The following CRYBG3 variants were observed in gnomAD, a reference collection of about 807,000 sequenced individuals.
CRYBG3 encodes the protein very large A-kinase anchor protein.
A neutral mutation model predicts 244.2 loss-of-function variants in CRYBG3; 127 were observed. The ratio of observed to expected loss-of-function variants is 0.52; its 90% confidence interval spans 0.45 to 0.60. The LOEUF (loss-of-function observed/expected upper bound fraction) is 0.60, where lower values mean the gene tolerates loss of function less well. Ranked by LOEUF, CRYBG3 falls within the 20% of genes least tolerant of loss-of-function variation. The pLI, the probability that CRYBG3 is intolerant of heterozygous loss-of-function variation, is 0.00. For synonymous variants in CRYBG3, 1,132 were observed against 1,195.8 expected, an observed-to-expected ratio of 0.95 and a Z score of 1.10; for missense variants, 3,325 against 3,442.5, an observed-to-expected ratio of 0.97 and a Z score of 0.85.
At chr3:97,915,524 C>T (rs2039919188) in intron 16 of CRYBG3, 86 bp from the exon 17 acceptor site, 3 of 1,431,942 alleles carry the variant, frequency 2.1e-6, no homozygotes, top group South Asian at 1.4e-5. Flanking sequence ...ATGCCCTACC[C>T]CTACCCCAAT....
chr3:97,862,173 A>G (rs1014766276), intron 2 of CRYBG3, among the ~76,000 whole-genome samples: 4 of 152,212 alleles, frequency 2.6e-5, no homozygotes, highest in East Asian at 3.9e-4. Context: ...TATCTTCCTC[A>G]TTTGGAAAGC....
At chr3:97,855,637 C>T (rs1015948837) in intron 2 of CRYBG3, among the ~76,000 whole-genome samples, 7 of 152,190 alleles carry the variant, frequency 4.6e-5, no homozygotes, top group South Asian at 4.2e-4. Context: ...TTTCCTTAAG[C>T]GTCAGCTGGC....
Position 97,875,297 on chromosome 3 carries a change from G to A in CRYBG3, c.4103G>A (p.Ser1368Asn), listed in dbSNP as rs2039357618. ...GTTTCAGAACAGCCAGTAAATCAAAGCACACAAATTAGTGAAAATAAAGTA... is the reference window on the plus strand; with the variant it reads ...GTTTCAGAACAGCCAGTAAATCAAAACACACAAATTAGTGAAAATAAAGTA... ...FLVSEQPVNQ[S>N]TQISENKVLN... Residue 1368 changes from serine to asparagine, a missense_variant, in exon 4 of 22, where the codon AGC becomes AAC. This residue lies in a region of CRYBG3 where 635 missense variants were observed against 771.7 expected (regional missense o/e 0.82). Transcript: ENST00000389622. 2 of 1,453,416 alleles carry A rather than the reference G, an allele frequency of 1.4e-6. No individual in the cohort carries two copies. Among genetic ancestry groups the A allele is most frequent in the African/African-American group, 1.4e-5 (1 of 69,938 alleles). 90.0% of individuals were successfully genotyped at this position (1,453,416 alleles called of 1,614,324 possible). A position where few individuals can be genotyped will look rare whatever the true frequency, so the allele number is the denominator to read the frequency against.
intron 17 of CRYBG3, among the ~76,000 whole-genome samples, chr3:97,925,551 AAC>A (rs1414179807): frequency 6.6e-6 from 1 of 152,090 alleles, no homozygotes; most frequent in African/African-American, 2.4e-5. Flanking sequence ...TCAAATTTCA[AAC>A]ACAGTAGGCA....
Position 97,873,928 on chromosome 3 carries a change from T to A in CRYBG3, c.2734T>A (p.Ser912Thr), listed in dbSNP as rs2039337077. 6.5e-7 allele frequency: 1 copy of A among 1,535,776 alleles called. No individual in the cohort carries two copies. The highest frequency in any genetic ancestry group is 1.4e-5 in the African/African-American group (1 of 73,008). The change falls in exon 4 of 22, where the codon TCT (serine) becomes ACT (threonine). Residue 912 changes from serine (S) to threonine (T), a missense_variant. Around this residue, in one of 4 missense-constraint regions of CRYBG3, gnomAD observed 1,526 missense variants for 1,443.2 expected, o/e 1.06. Coordinates refer to ENST00000389622, the MANE Select transcript of CRYBG3 (RefSeq NM_153605.4). Reference sequence around the variant, plus strand: ...TAAAGAGAATTGCCAAGCTGAGCTTTCTCCTGCTGCCTCCAAATATGAAGA... The same window carrying A: ...TAAAGAGAATTGCCAAGCTGAGCTTACTCCTGCTGCCTCCAAATATGAAGA... The part of the protein sequence containing the change: ...GLKENCQAEL[S>T]PAASKYEDKP...
At chr3:97,885,233 G>A (rs2039493938) in intron 7 of CRYBG3, among the ~76,000 whole-genome samples, 1 of 152,140 alleles carries the variant, frequency 6.6e-6, no homozygotes. Flanking sequence ...TTCTGAAAAT[G>A]AGATGTATAA....
chr3:97,942,201 G>C, intron 20 of CRYBG3, 83 bp from the exon 21 acceptor site: 2 of 1,244,526 alleles, frequency 1.6e-6, no homozygotes, highest in Non-Finnish European at 2.2e-6. Context: ...TCTATGACTT[G>C]TTTACCTAAG....
In CRYBG3 at chr3:97,871,853, G is replaced by A; in HGVS notation, c.659G>A (p.Gly220Asp). The A allele has an allele frequency of 1.1e-5, 17 of 1,496,714 alleles. No homozygotes were observed. The highest frequency in any genetic ancestry group is 1.4e-5 in the Non-Finnish European group (16 of 1,133,128). The allele number at this position is 1,496,714 out of a possible 1,614,324, so 92.7% of individuals were successfully genotyped here. The change falls in exon 4 of 22, where the codon GGT becomes GAT. Residue 220 changes from glycine to aspartate, a missense_variant. Gly to Asp is a moderately conservative substitution (Grantham distance 94). Transcript: ENST00000389622. The stretch of plus-strand genomic sequence containing the variant: ...CTTTCTTTTTACAGACAAATCGATG[G>A]TAAACCAGAGAAGCCTTCAGTAACA... ...ETTNLLKQID[G>D]KPEKPSVTYA...
intron 20 of CRYBG3, chr3:97,941,888 A>C (rs2040238304): frequency 6.4e-6 from 1 of 155,764 alleles, no homozygotes; most frequent in Non-Finnish European, 1.4e-5. Context: ...AAAATGAAAA[A>C]CTTTTAAAAG....
At chr3:97,860,849 CTT>C (rs1331852632) in intron 2 of CRYBG3, among the ~76,000 whole-genome samples, 2 of 152,118 alleles carry the variant, frequency 1.3e-5, no homozygotes, top group East Asian at 3.9e-4. Context: ...GTTGTTTCCT[CTT>C]TTTTTCCTGC....
At chr3:97,942,111 C>T (rs879007909) in intron 20 of CRYBG3, 173 bp from the exon 21 acceptor site, 43 of 441,504 alleles carry the variant, frequency 9.7e-5, no homozygotes, top group African/African-American at 6.9e-4. Flanking sequence ...TACCCACAGC[C>T]GTAAAGAAGA....
At position 97,874,830 on chromosome 3, in the gene CRYBG3, G is replaced by A. The variant is rs112810829; in HGVS notation, c.3636G>A (p.Arg1212=). Residue 1212 remains arginine, a synonymous_variant, in exon 4 of 22, where the codon AGG becomes AGA. Transcript: ENST00000389622. ...TTGGTGAGATTTTTAATTCTGTCAG[G>A]GAAGAACTAAAATTCAAACACACAG... ...TLIGEIFNSV[R]EELKFKHTVS... 6.6e-3 allele frequency: 10,101 copies of A among 1,535,884 alleles called. 521 individuals are homozygous for A. The African/African-American group carries it at 0.12, about 18-fold the overall frequency.
chr3:97,891,502 AT>A (rs921265839), intron 10 of CRYBG3, among the ~76,000 whole-genome samples: 3 of 152,226 alleles, frequency 2.0e-5, no homozygotes, highest in African/African-American at 4.8e-5. Flanking sequence ...GAATTAAAAT[AT>A]AAAAATAACT....
intron 17 of CRYBG3, among the ~76,000 whole-genome samples, chr3:97,929,674 C>T (rs1041901547): frequency 1.3e-5 from 2 of 151,952 alleles, no homozygotes; most frequent in African/African-American, 2.4e-5. Context: ...TATTTTTCCA[C>T]GCTGGTTTAT....
At chr3:97,914,554 C>G (rs2039907077) in intron 16 of CRYBG3, among the ~76,000 whole-genome samples, 2 of 152,192 alleles carry the variant, frequency 1.3e-5, no homozygotes, top group South Asian at 4.1e-4. Context: ...GATTTGAGCC[C>G]AGTTCCACCA....
At chr3:97,910,585 C>T (rs1032437798) in intron 15 of CRYBG3, among the ~76,000 whole-genome samples, 1 of 152,228 alleles carries the variant, frequency 6.6e-6, no homozygotes. Context: ...CCAAGTGAGG[C>T]AATGCCTCTC....
At chr3:97,870,891 G>A (rs973058284) in intron 3 of CRYBG3, among the ~76,000 whole-genome samples, 2 of 146,096 alleles carry the variant, frequency 1.4e-5, no homozygotes, top group Non-Finnish European at 3.1e-5. Flanking sequence ...AGATCTTTAT[G>A]ATTTAATGTG....
chr3:97,823,919 C>T (rs945271587), intron 1 of CRYBG3, among the ~76,000 whole-genome samples: 1 of 152,148 alleles, frequency 6.6e-6, no homozygotes, highest in Admixed American at 6.5e-5. Context: ...TGGAGCTGAC[C>T]CCTCCAGCAA....
intron 1 of CRYBG3, among the ~76,000 whole-genome samples, chr3:97,823,778 G>C (rs887244399): frequency 9.2e-5 from 14 of 152,208 alleles, no homozygotes; most frequent in African/African-American, 3.4e-4. Context: ...TTGGGAACTT[G>C]AGAGTCAGTG....
Sources: gnomAD v4.1 joint callset for allele counts (sites outside exome capture counted in the v4.1 genomes callset) on GRCh38, gnomAD v4.1.1 for gene constraint, gnomAD v4.1.1 regional missense constraint, MANE v1.5 for transcripts, NCBI Gene and HGNC (gene_info 2026-07-23, HGNC 2026-07-21) for gene names.